STXBP5L: variants seen among roughly 807,000 people sequenced by gnomAD.
STXBP5L encodes syntaxin binding protein 5L.
STXBP5L carries 65 observed loss-of-function variants against 144.5 expected under a neutral mutation model. That is an observed-to-expected ratio of 0.45 (90% confidence interval 0.37 to 0.55). STXBP5L has a LOEUF of 0.55. Ranked by LOEUF, STXBP5L falls within the 20% of genes least tolerant of loss-of-function variation. The pLI is 0.00. For synonymous variants in STXBP5L, 505 were observed against 469.6 expected, an observed-to-expected ratio of 1.08 and a Z score of -0.97; for missense variants, 1,298 against 1,405.5, an observed-to-expected ratio of 0.92 and a Z score of 1.22.
At chr3:121,036,717 A>T (rs1946775795) in intron 3 of STXBP5L, among the ~76,000 whole-genome samples, 1 of 150,132 alleles carries the variant, frequency 6.7e-6, no homozygotes, top group Non-Finnish European at 1.5e-5. Flanking sequence ...CTTTTTCTGT[A>T]TCTATCAAAA....
intron 5 of STXBP5L, among the ~76,000 whole-genome samples, chr3:121,085,850 G>A (rs1017216715): frequency 1.3e-5 from 2 of 151,952 alleles, no homozygotes; most frequent in African/African-American, 2.4e-5. Flanking sequence ...AACCAAAAAA[G>A]GGCCCACATA....
At chr3:121,385,928 G>T (rs2046417248) in intron 22 of STXBP5L, among the ~76,000 whole-genome samples, 1 of 152,080 alleles carries the variant, frequency 6.6e-6, no homozygotes, top group Non-Finnish European at 1.5e-5. Context: ...AATAGGCTTT[G>T]TCTGGAAATT....
At chr3:121,116,108 G>A (rs562748554) in intron 6 of STXBP5L, among the ~76,000 whole-genome samples, 27 of 152,188 alleles carry the variant, frequency 1.8e-4, no homozygotes, top group African/African-American at 4.1e-4. Context: ...TAGTACATAC[G>A]TAAGCAATTC....
chr3:121,382,526 A>T (rs1463624724), intron 22 of STXBP5L, among the ~76,000 whole-genome samples: 5 of 152,140 alleles, frequency 3.3e-5, no homozygotes. Context: ...CAGTGATACC[A>T]TAATGAATTA....
chr3:120,913,641 G>A (rs919596353), intron 2 of STXBP5L, among the ~76,000 whole-genome samples: 6 of 151,922 alleles, frequency 3.9e-5, no homozygotes, highest in African/African-American at 1.4e-4. Flanking sequence ...GTTCTGTGTG[G>A]ACTTCTCTTC....
chr3:121,280,313 G>A (rs920794943), intron 19 of STXBP5L, among the ~76,000 whole-genome samples: 16 of 151,758 alleles, frequency 1.1e-4, no homozygotes, highest in African/African-American at 3.4e-4. Flanking sequence ...GTGTCAAACA[G>A]GTTAACTTTC....
chr3:121,139,241 T>C (rs2045390244), intron 7 of STXBP5L, among the ~76,000 whole-genome samples: 1 of 152,074 alleles, frequency 6.6e-6, no homozygotes. Flanking sequence ...AGATTTTGAA[T>C]GTTCATAACA....
chr3:121,095,484 T>C (rs568463193), intron 5 of STXBP5L, among the ~76,000 whole-genome samples: 1 of 152,342 alleles, frequency 6.6e-6, no homozygotes, highest in South Asian at 2.1e-4. Flanking sequence ...TTTGTTCATT[T>C]CTTTTTACTC....
chr3:121,346,987 T>A (rs2045018476), intron 20 of STXBP5L, among the ~76,000 whole-genome samples: 1 of 152,358 alleles, frequency 6.6e-6, no homozygotes, highest in Non-Finnish European at 1.5e-5. Flanking sequence ...TTGGCTTCTG[T>A]TGCCATTGCT....
intron 19 of STXBP5L, among the ~76,000 whole-genome samples, chr3:121,313,171 A>G (rs2043609998): frequency 7.2e-6 from 1 of 138,838 alleles, no homozygotes. Flanking sequence ...GGCCGGGCAG[A>G]GGCGCCCCTC....
chr3:121,304,311 A>G (rs1441646005), intron 19 of STXBP5L, among the ~76,000 whole-genome samples: 1 of 152,146 alleles, frequency 6.6e-6, no homozygotes, highest in Non-Finnish European at 1.5e-5. Flanking sequence ...CTCTTTTGTA[A>G]CTGACAGAAC....
intron 10 of STXBP5L, among the ~76,000 whole-genome samples, chr3:121,214,069 T>C (rs1275846905): frequency 1.3e-5 from 2 of 152,200 alleles, no homozygotes; most frequent in Admixed American, 1.3e-4. Flanking sequence ...TTATCACTTT[T>C]TATTGTGTCT....
At chr3:121,333,567 C>T (rs1378534299) in intron 20 of STXBP5L, among the ~76,000 whole-genome samples, 1 of 142,774 alleles carries the variant, frequency 7.0e-6, no homozygotes, top group South Asian at 2.2e-4. Context: ...AAAAAAAAAA[C>T]ATTCAAAAGA....
chr3:121,151,068 C>G (rs746862402), intron 7 of STXBP5L, among the ~76,000 whole-genome samples: 1 of 151,262 alleles, frequency 6.6e-6, no homozygotes, highest in African/African-American at 2.4e-5. Context: ...CCCTGGGTGG[C>G]AGAGTAAGAC....
At chr3:121,119,962 G>T (rs61661959) in intron 6 of STXBP5L, among the ~76,000 whole-genome samples, 1 of 151,230 alleles carries the variant, frequency 6.6e-6, no homozygotes, top group Non-Finnish European at 1.5e-5. Context: ...CATGTGATCC[G>T]AGTAGTGTTT....
intron 5 of STXBP5L, among the ~76,000 whole-genome samples, chr3:121,113,033 AT>A (rs2044065591): frequency 6.6e-6 from 1 of 152,182 alleles, no homozygotes; most frequent in Admixed American, 6.5e-5. Context: ...TCAGTTGGAC[AT>A]TGAATATAAG....
chr3:120,923,636 G>T (rs894190018), intron 2 of STXBP5L, among the ~76,000 whole-genome samples: 3 of 151,768 alleles, frequency 2.0e-5, no homozygotes, highest in Non-Finnish European at 2.9e-5. Context: ...TCCTGTGTTT[G>T]TGTAGTTTCT....
At chr3:121,049,002 G>A (rs1262034636) in intron 5 of STXBP5L, among the ~76,000 whole-genome samples, 1 of 152,158 alleles carries the variant, frequency 6.6e-6, no homozygotes, top group Non-Finnish European at 1.5e-5. Context: ...CTGCAGGGCA[G>A]CAAAAATGGT....
At chr3:121,027,033 T>C (rs1236155756) in intron 3 of STXBP5L, among the ~76,000 whole-genome samples, 1 of 151,864 alleles carries the variant, frequency 6.6e-6, no homozygotes, top group Non-Finnish European at 1.5e-5. Context: ...AAGTGGCATA[T>C]ATTGGTGTGG....
Sources: allele counts gnomAD v4.1 joint callset (sites outside exome capture counted in the v4.1 genomes callset), GRCh38; gene constraint gnomAD v4.1.1; transcripts MANE v1.5; gene names NCBI Gene and HGNC (gene_info 2026-07-23, HGNC 2026-07-21).